Variants in KCND2 observed in about 807,000 individuals in gnomAD.
The protein encoded by KCND2 is A-type voltage-gated potassium channel KCND2.
In KCND2, 16 loss-of-function variants were observed where a neutral mutation model predicts 54.4. The ratio of observed to expected loss-of-function variants is 0.29; its 90% confidence interval spans 0.20 to 0.45. The LOEUF is 0.45. Among genes scored for constraint, KCND2 ranks in the 20% least tolerant of loss-of-function variants. The pLI is 1.00. For missense variants in KCND2, 486 were observed against 824.2 expected, an observed-to-expected ratio of 0.59 and a Z score of 5.02; for synonymous variants, 317 against 310.7, an observed-to-expected ratio of 1.02 and a Z score of -0.21.
At chr7:120,728,964 T>G (rs2116133010) in intron 1 of KCND2, among the ~76,000 whole-genome samples, 1 of 152,336 alleles carries the variant, frequency 6.6e-6, no homozygotes, top group South Asian at 2.1e-4. Flanking sequence ...TAGAAACACT[T>G]AAACTTTCAA....
chr7:120,324,799 A>G (rs1272886276), intron 1 of KCND2, among the ~76,000 whole-genome samples: 1 of 151,654 alleles, frequency 6.6e-6, no homozygotes, highest in East Asian at 1.9e-4. Context: ...TTTTGGTTCC[A>G]TATGAACTTT....
intron 1 of KCND2, among the ~76,000 whole-genome samples, chr7:120,556,518 T>C (rs909422278): frequency 2.6e-5 from 4 of 152,202 alleles, no homozygotes; most frequent in African/African-American, 9.6e-5. Flanking sequence ...TCTCTTTAGA[T>C]AGATAGATTA....
intron 1 of KCND2, among the ~76,000 whole-genome samples, chr7:120,382,724 T>C (rs1159287621): frequency 1.3e-5 from 2 of 151,862 alleles, no homozygotes; most frequent in African/African-American, 4.8e-5. Context: ...ACAGTCACAA[T>C]AGAATTTTAC....
intron 1 of KCND2, among the ~76,000 whole-genome samples, chr7:120,556,523 A>G (rs1188665600): frequency 6.6e-6 from 1 of 152,226 alleles, no homozygotes; most frequent in Admixed American, 6.5e-5. Flanking sequence ...TTAGATAGAT[A>G]GATTACTAGC....
intron 1 of KCND2, among the ~76,000 whole-genome samples, chr7:120,276,078 TAAAG>T (rs1799169286): frequency 6.6e-6 from 1 of 152,096 alleles, no homozygotes; most frequent in South Asian, 2.1e-4. Flanking sequence ...TATGCCCTAA[TAAAG>T]ACACAAATAT....
At chr7:120,279,614 G>A (rs1242640617) in intron 1 of KCND2, among the ~76,000 whole-genome samples, 1 of 151,772 alleles carries the variant, frequency 6.6e-6, no homozygotes, top group Non-Finnish European at 1.5e-5. Flanking sequence ...AAATACGGTG[G>A]CGTTACATCT....
chr7:120,275,287 C>A lies in KCND2; in HGVS notation c.655C>A (p.Leu219Met). ...CGSSPGHIKE[L>M]PCGERYAVAF... Reference sequence around the variant, plus strand: ...ATCAAGCCCAGGTCACATTAAAGAACTGCCCTGTGGAGAGCGGTATGCTGT... The same window carrying A: ...ATCAAGCCCAGGTCACATTAAAGAAATGCCCTGTGGAGAGCGGTATGCTGT... Residue 219 changes from leucine (L) to methionine (M), a missense_variant, in exon 1 of 6, where the codon CTG (leucine) becomes ATG (methionine). Around this residue, in one of 7 missense-constraint regions of KCND2, gnomAD observed 231 missense variants for 386.0 expected, o/e 0.60. Transcript: ENST00000331113. 1 of 1,613,942 alleles carries A rather than the reference C, an allele frequency of 6.2e-7. No homozygotes were observed. Among genetic ancestry groups the A allele is most frequent in the South Asian group, 1.1e-5 (1 of 91,052 alleles).
chr7:120,375,631 AC>A (rs1213114177), intron 1 of KCND2, among the ~76,000 whole-genome samples: 2 of 151,816 alleles, frequency 1.3e-5, no homozygotes, highest in Non-Finnish European at 2.9e-5. Flanking sequence ...TCATTCTATT[AC>A]ACGAATTGTC....
intron 1 of KCND2, among the ~76,000 whole-genome samples, chr7:120,678,740 A>G (rs1446152726): frequency 3.3e-3 from 10 of 3,030 alleles, no homozygotes; most frequent in East Asian, 0.067. Flanking sequence ...GTGTGAGTGT[A>G]TATATATATA....
intron 1 of KCND2, among the ~76,000 whole-genome samples, chr7:120,387,288 A>C (rs188291396): frequency 2.0e-5 from 3 of 152,172 alleles, no homozygotes; most frequent in Non-Finnish European, 2.9e-5. Context: ...ATTACCATAA[A>C]AATATTTTGG....
chr7:120,417,806 A>G (rs1801545774), intron 1 of KCND2, among the ~76,000 whole-genome samples: 1 of 152,210 alleles, frequency 6.6e-6, no homozygotes, highest in African/African-American at 2.4e-5. Flanking sequence ...GGAACAGCAC[A>G]ACACAGAGTC....
At chr7:120,595,589 G>T (rs866894218) in intron 1 of KCND2, among the ~76,000 whole-genome samples, 1 of 40,436 alleles carries the variant, frequency 2.5e-5, no homozygotes, top group Non-Finnish European at 6.8e-5. Context: ...ATGTGTGTGT[G>T]TGTATATATA....
chr7:120,647,972 G>A (rs78083769), intron 1 of KCND2, among the ~76,000 whole-genome samples: 19,144 of 151,944 alleles, frequency 0.13, 1,692 homozygotes, highest in East Asian at 0.45. Context: ...TTGCTTTGTC[G>A]GCATGTCTAA....
At chr7:120,332,959 C>T (rs1800089741) in intron 1 of KCND2, among the ~76,000 whole-genome samples, 1 of 152,072 alleles carries the variant, frequency 6.6e-6, no homozygotes, top group Admixed American at 6.5e-5. Context: ...AATCATTTCA[C>T]CTTACATACA....
intron 1 of KCND2, among the ~76,000 whole-genome samples, chr7:120,449,475 A>T (rs1802071246): frequency 6.6e-6 from 1 of 152,216 alleles, no homozygotes; most frequent in Non-Finnish European, 1.5e-5. Context: ...TCTATGTAAG[A>T]CAGAGTAATC....
intron 1 of KCND2, among the ~76,000 whole-genome samples, chr7:120,326,613 A>C (rs1020861649): frequency 6.6e-6 from 1 of 152,144 alleles, no homozygotes; most frequent in Non-Finnish European, 1.5e-5. Context: ...TGTGCAGATA[A>C]TTATATTCAG....
At chr7:120,699,469 C>T (rs1792374057) in intron 1 of KCND2, among the ~76,000 whole-genome samples, 1 of 151,974 alleles carries the variant, frequency 6.6e-6, no homozygotes, top group East Asian at 1.9e-4. Context: ...CAGTGACTAA[C>T]AGTGGAGTGG....
At chr7:120,526,583 G>A (rs999377410) in intron 1 of KCND2, among the ~76,000 whole-genome samples, 1 of 152,058 alleles carries the variant, frequency 6.6e-6, no homozygotes, top group African/African-American at 2.4e-5. Context: ...GAAGGAACCT[G>A]ATATTCTGTT....
At chr7:120,284,274 A>AAC (rs1799306625) in intron 1 of KCND2, among the ~76,000 whole-genome samples, 2 of 151,686 alleles carry the variant, frequency 1.3e-5, no homozygotes, top group East Asian at 1.9e-4. Context: ...CATGGGGGCT[A>AAC]ACACACACAC....
Sources: allele counts gnomAD v4.1 joint callset (sites outside exome capture counted in the v4.1 genomes callset), GRCh38; gene constraint gnomAD v4.1.1; regional missense constraint gnomAD v4.1.1; transcripts MANE v1.5; gene names NCBI Gene and HGNC (gene_info 2026-07-23, HGNC 2026-07-21).